Variants in PRAG1 observed in about 807,000 individuals in gnomAD.
PRAG1 encodes inactive tyrosine-protein kinase PRAG1.
PRAG1 carries 110 observed loss-of-function variants against 95.6 expected under a neutral mutation model. The ratio of observed to expected loss-of-function variants is 1.15; its 90% confidence interval spans 0.99 to 1.35. The LOEUF (loss-of-function observed/expected upper bound fraction) is 1.35, where lower values mean the gene tolerates loss of function less well. PRAG1 is among the 40% of genes most tolerant of loss of function. The pLI is 0.00. For missense variants in PRAG1, 2,554 were observed against 1,864.7 expected, an observed-to-expected ratio of 1.37 and a Z score of -6.81; for synonymous variants, 1,052 against 819.4, an observed-to-expected ratio of 1.28 and a Z score of -4.85.
At chr8:8,322,361 T>C (rs931274157) in intron 5 of PRAG1, among the ~76,000 whole-genome samples, 4 of 152,138 alleles carry the variant, frequency 2.6e-5, no homozygotes, top group African/African-American at 7.2e-5. Context: ...TTTGTATTTT[T>C]AGTAGAGACA....
chr8:8,335,017 G>A (rs1452614823), intron 4 of PRAG1, among the ~76,000 whole-genome samples: 1 of 151,902 alleles, frequency 6.6e-6, no homozygotes, highest in South Asian at 2.1e-4. Context: ...CTTGCAGTGA[G>A]CAGAGATTGT....
intron 3 of PRAG1, chr8:8,374,734 G>T (rs1195596941): frequency 1.0e-6 from 1 of 984,726 alleles, no homozygotes; most frequent in Non-Finnish European, 1.2e-6. Context: ...GAAGATGTCT[G>T]TTCTCCATGG....
intron 4 of PRAG1, among the ~76,000 whole-genome samples, chr8:8,338,106 C>A (rs1799047858): frequency 6.6e-6 from 1 of 152,206 alleles, no homozygotes. Flanking sequence ...TTCCCTAAAC[C>A]CTCCACCAGC....
Position 8,377,060 on chromosome 8 carries a change from G to A in PRAG1, c.1349C>T (p.Ala450Val). Reference protein sequence around the residue: ...QGQGQVCTGNAWAQKAASGWG... With the variant: ...QGQGQVCTGNVWAQKAASGWG... ...GCCAGATGCTGCTTTCTGGGCCCAG[G>A]CATTACCTGTGCATACCTGGCCTTG... is the stretch of plus-strand genomic sequence containing the variant. The change falls in exon 3 of 6, where the codon GCC (alanine) becomes GTC (valine). Residue 450 changes from alanine (A) to valine (V), a missense_variant. Transcript: ENST00000615670. The A allele has an allele frequency of 1.2e-6, 2 of 1,614,004 alleles. No homozygotes were observed. Among genetic ancestry groups the A allele is most frequent in the South Asian group, 1.1e-5 (1 of 91,092 alleles).
chr8:8,325,862 G>A (rs971530635), intron 5 of PRAG1, among the ~76,000 whole-genome samples: 3 of 150,454 alleles, frequency 2.0e-5, no homozygotes, highest in African/African-American at 4.9e-5. Flanking sequence ...GCAGTCAGCC[G>A]AGATCACACC....
chr8:8,321,787 G>C (rs1355195864), intron 5 of PRAG1, among the ~76,000 whole-genome samples: 2 of 152,136 alleles, frequency 1.3e-5, no homozygotes, highest in African/African-American at 2.4e-5. Context: ...TGTAACCTTT[G>C]TCAAGTTACA....
intron 4 of PRAG1, among the ~76,000 whole-genome samples, chr8:8,331,391 C>T (rs935432383): frequency 6.6e-6 from 1 of 152,146 alleles, no homozygotes; most frequent in Non-Finnish European, 1.5e-5. Context: ...GCCTGCCCTG[C>T]CTGAGTTTCC....
At chr8:8,376,159 G>A in intron 3 of PRAG1, 88 bp downstream of exon 3, 1 of 1,506,674 alleles carries the variant, frequency 6.6e-7, no homozygotes. Flanking sequence ...CTGGGACCTG[G>A]GCCTGAAAGC....
chr8:8,328,180 G>C lies in PRAG1; in HGVS notation c.2602C>G (p.Pro868Ala). 4 of 1,614,202 alleles carry C rather than the reference G, an allele frequency of 2.5e-6. No homozygotes were observed. The South Asian group carries it at 4.4e-5, about 18-fold the overall frequency. ...AAGACAGGATGGTGGCGGTTCCCGG[G>C]GCTCAACGAATAGCTAAAGTGAGAT... ...DESHFSYSLSPGNRHHPVFSS... is the reference protein window; with the variant it reads ...DESHFSYSLSAGNRHHPVFSS... Residue 868 changes from proline to alanine, a missense_variant, in exon 5 of 6, where the codon CCC becomes GCC. Pro to Ala is a conservative substitution (Grantham distance 27, BLOSUM62 -1). Coordinates refer to ENST00000615670, the MANE Select transcript of PRAG1 (RefSeq NM_001080826.3).
intron 4 of PRAG1, among the ~76,000 whole-genome samples, chr8:8,331,336 C>G (rs371519057): frequency 2.0e-5 from 3 of 152,144 alleles, no homozygotes; most frequent in African/African-American, 7.2e-5. Flanking sequence ...TGCTTCTGCT[C>G]CAATTTGAGG....
chr8:8,348,821 T>C (rs1295191633), intron 3 of PRAG1, among the ~76,000 whole-genome samples: 3 of 152,204 alleles, frequency 2.0e-5, no homozygotes, highest in African/African-American at 7.2e-5. Flanking sequence ...AATTGTTTGA[T>C]GTGAAATAGG....
chr8:8,334,792 C>T (rs1410725582), intron 4 of PRAG1, among the ~76,000 whole-genome samples: 1 of 151,590 alleles, frequency 6.6e-6, no homozygotes, highest in East Asian at 1.9e-4. Flanking sequence ...TAATTCAAAG[C>T]ACTTTCCATG....
intron 3 of PRAG1, among the ~76,000 whole-genome samples, chr8:8,339,883 A>C (rs552255248): frequency 1.3e-5 from 2 of 152,334 alleles, no homozygotes; most frequent in Non-Finnish European, 2.9e-5. Context: ...AAGCACCAAA[A>C]TTCTTACATG....
rs1798352841 is a variant in PRAG1 at position 8,318,487 on chromosome 8, G to A, written c.3888C>T (p.Tyr1296=). 1 of 1,612,298 alleles carries A rather than the reference G, an allele frequency of 6.2e-7. No individual in the cohort carries two copies. Among genetic ancestry groups the A allele is most frequent in the African/African-American group, 1.3e-5 (1 of 74,932 alleles). The change falls in exon 6 of 6, where the codon TAC becomes TAT. Residue 1296 remains tyrosine (Y), a synonymous_variant. Transcript: ENST00000615670. The surrounding 1 kb of genome is among the most constrained non-coding windows in gnomAD (Gnocchi z 4.2). ...GTGCCAGCTGCTGCAGGCCGGGTGA[G>A]TAGAGGGACAGCGCGGGCAGCGGCG... ...DLPPLPALSL[Y]SPGLQQLAHL...
At chr8:8,331,147 C>A (rs914547797) in intron 4 of PRAG1, among the ~76,000 whole-genome samples, 1 of 152,218 alleles carries the variant, frequency 6.6e-6, no homozygotes, top group African/African-American at 2.4e-5. Context: ...ACAAGGACAA[C>A]CTGCCTACGG....
intron 3 of PRAG1, among the ~76,000 whole-genome samples, chr8:8,362,265 C>T (rs550550547): frequency 2.0e-5 from 3 of 152,310 alleles, no homozygotes; most frequent in East Asian, 1.9e-4. Flanking sequence ...CCACCCACTC[C>T]GTCCAGCAGG....
intron 1 of PRAG1, among the ~76,000 whole-genome samples, chr8:8,382,699 T>C (rs1800722795): frequency 6.6e-6 from 1 of 152,186 alleles, no homozygotes; most frequent in Admixed American, 6.5e-5. Context: ...AAGTAACAGT[T>C]TGCACCATGG....
intron 4 of PRAG1, among the ~76,000 whole-genome samples, chr8:8,333,014 G>C (rs1798871807): frequency 6.6e-6 from 1 of 152,198 alleles, no homozygotes; most frequent in Non-Finnish European, 1.5e-5. Context: ...AGAAAAGTCT[G>C]CCTAAAAAAT....
intron 4 of PRAG1, among the ~76,000 whole-genome samples, chr8:8,331,142 G>T (rs781288903): frequency 8.5e-5 from 13 of 152,052 alleles, no homozygotes; most frequent in Non-Finnish European, 1.8e-4. Flanking sequence ...CAGAGACAAG[G>T]ACAACCTGCC....
Sources: allele counts gnomAD v4.1 joint callset (sites outside exome capture counted in the v4.1 genomes callset), GRCh38; gene constraint gnomAD v4.1.1; non-coding constraint Gnocchi (gnomAD v3.1); transcripts MANE v1.5; gene names NCBI Gene and HGNC (gene_info 2026-07-23, HGNC 2026-07-21).